Variants in KCTD16 observed in about 807,000 individuals in gnomAD.
KCTD16 encodes BTB/POZ domain-containing protein KCTD16.
Under a neutral mutation model 33.2 loss-of-function variants are expected in KCTD16, and 13 were observed. The observed-to-expected ratio is 0.39, with a 90% CI of 0.25 to 0.62. The LOEUF (loss-of-function observed/expected upper bound fraction) is 0.62. Among genes scored for constraint, KCTD16 ranks in the 20% least tolerant of loss-of-function variants. The pLI is 0.50. For missense variants in KCTD16, 441 were observed against 525.1 expected, an observed-to-expected ratio of 0.84 and a Z score of 1.57; for synonymous variants, 197 against 195.3, an observed-to-expected ratio of 1.01 and a Z score of -0.07.
intron 3 of KCTD16, among the ~76,000 whole-genome samples, chr5:144,411,918 T>A (rs1259239339): frequency 6.6e-6 from 1 of 152,014 alleles, no homozygotes; most frequent in Non-Finnish European, 1.5e-5. Flanking sequence ...CAGGTATATA[T>A]AAAAAAATTG....
At chr5:144,292,390 G>A (rs1755918505) in intron 3 of KCTD16, among the ~76,000 whole-genome samples, 1 of 152,188 alleles carries the variant, frequency 6.6e-6, no homozygotes, top group Admixed American at 6.5e-5. Flanking sequence ...GGTGAAGGTA[G>A]AGCAATGTAG....
intron 3 of KCTD16, among the ~76,000 whole-genome samples, chr5:144,418,217 G>A (rs566535135): frequency 1.3e-5 from 2 of 152,300 alleles, no homozygotes; most frequent in South Asian, 2.1e-4. Context: ...ATGAGCAGCA[G>A]CAAGCTTTAT....
At chr5:144,199,941 C>G (rs1753012001) in intron 2 of KCTD16, among the ~76,000 whole-genome samples, 1 of 151,936 alleles carries the variant, frequency 6.6e-6, no homozygotes, top group African/African-American at 2.4e-5. Context: ...TCTCGATCTC[C>G]TGATCTCATG....
At chr5:144,406,127 A>G (rs10515543) in intron 3 of KCTD16, among the ~76,000 whole-genome samples, 6,659 of 152,276 alleles carry the variant, frequency 0.044, 472 homozygotes, top group African/African-American at 0.15. Flanking sequence ...TGACTACCGA[A>G]GGACTTATTT....
chr5:144,195,546 G>A (rs1752924719), intron 2 of KCTD16, among the ~76,000 whole-genome samples: 1 of 152,202 alleles, frequency 6.6e-6, no homozygotes, highest in Admixed American at 6.5e-5. Context: ...GGAGCTGGTG[G>A]AGTCAACAAA....
intron 2 of KCTD16, among the ~76,000 whole-genome samples, chr5:144,175,720 C>T (rs1279062422): frequency 6.6e-6 from 1 of 152,148 alleles, no homozygotes; most frequent in Non-Finnish European, 1.5e-5. Context: ...TCACTTTTCT[C>T]ATCTGTAAAA....
chr5:144,215,014 A>G (rs1301566609), intron 3 of KCTD16, among the ~76,000 whole-genome samples: 2 of 152,090 alleles, frequency 1.3e-5, no homozygotes, highest in Non-Finnish European at 2.9e-5. Flanking sequence ...TGAATATACT[A>G]TTGTATTGTC....
intron 3 of KCTD16, among the ~76,000 whole-genome samples, chr5:144,423,444 G>A (rs184832400): frequency 6.7e-4 from 102 of 152,128 alleles, no homozygotes; most frequent in Admixed American, 2.9e-3. Flanking sequence ...TCTAGGTTAC[G>A]GGTCTCAGTC....
intron 3 of KCTD16, among the ~76,000 whole-genome samples, chr5:144,255,773 A>G (rs1304717415): frequency 1.3e-5 from 2 of 152,232 alleles, no homozygotes; most frequent in Non-Finnish European, 2.9e-5. Context: ...GCTCCAGACA[A>G]TCCAAGGTCA....
In KCTD16 at chr5:144,401,175, A is replaced by G. The variant is rs541006911; in HGVS notation, c.833-72485A>G. Among the ~76,000 whole-genome samples the G allele has an allele frequency of 1.6e-4, 24 of 152,332 alleles. No individual in the cohort carries two copies. In the East Asian group the frequency reaches 4.1e-3, roughly 26 times the overall value. ...GTGTGCTGACCTATACATCACATTCACATTCCTGCCAAGGATGGGATATGT... is the reference window on the plus strand; with the variant it reads ...GTGTGCTGACCTATACATCACATTCGCATTCCTGCCAAGGATGGGATATGT... On this transcript the variant is annotated intron_variant, in intron 3 of 3. Coordinates refer to ENST00000512467, the MANE Select transcript of KCTD16 (RefSeq NM_020768.4).
At position 144,317,654 on chromosome 5, in the gene KCTD16, C is replaced by T. The variant is rs181036836; in HGVS notation, c.832+110108C>T. ...TTTCTTCTAGGAATGCATACCCTCA[C>T]GTTTTCCTTTCCTATCCTACTAAGA... On this transcript the variant is annotated intron_variant, in intron 3 of 3. Transcript: ENST00000512467. 5.9e-5 allele frequency among the ~76,000 whole-genome samples: 9 copies of T among 152,280 alleles called. No homozygotes were observed. In the East Asian group the frequency reaches 1.7e-3, roughly 29 times the overall value.
intron 3 of KCTD16, among the ~76,000 whole-genome samples, chr5:144,463,513 T>C (rs1000045746): frequency 6.6e-6 from 1 of 152,176 alleles, no homozygotes; most frequent in African/African-American, 2.4e-5. Context: ...AGAAGCATTG[T>C]TATTTCCAAC....
intron 3 of KCTD16, among the ~76,000 whole-genome samples, chr5:144,404,442 G>C (rs1389979229): frequency 3.3e-5 from 5 of 152,058 alleles, no homozygotes; most frequent in Non-Finnish European, 7.4e-5. Context: ...CTGTTAATTT[G>C]AGAAAGATGT....
intron 2 of KCTD16, chr5:144,205,366 T>A: frequency 2.5e-6 from 1 of 396,438 alleles, no homozygotes; most frequent in Non-Finnish European, 4.4e-6. Context: ...GGATGGTTTC[T>A]TGCCTGCACT....
intron 3 of KCTD16, among the ~76,000 whole-genome samples, chr5:144,235,172 G>A (rs957222679): frequency 1.3e-5 from 2 of 152,072 alleles, no homozygotes; most frequent in Admixed American, 1.3e-4. Flanking sequence ...TGATAATCTT[G>A]TTTTTATGCA....
intron 3 of KCTD16, among the ~76,000 whole-genome samples, chr5:144,260,012 T>A (rs969029754): frequency 6.6e-6 from 1 of 152,212 alleles, no homozygotes; most frequent in African/African-American, 2.4e-5. Flanking sequence ...CTAAGCAGGT[T>A]GCATTTCATC....
chr5:144,418,214 G>A (rs1248381897), intron 3 of KCTD16, among the ~76,000 whole-genome samples: 1 of 152,172 alleles, frequency 6.6e-6, no homozygotes, highest in Non-Finnish European at 1.5e-5. Context: ...AGCATGAGCA[G>A]CAGCAAGCTT....
Position 144,483,000 on chromosome 5 carries a change from A to C in KCTD16, c.*8886A>C, listed in dbSNP as rs1159411918. 6.6e-6 allele frequency: 1 copy of C among 151,734 alleles called. No individual in the cohort carries two copies. Among genetic ancestry groups the C allele is most frequent in the Non-Finnish European group, 1.5e-5 (1 of 67,874 alleles). The allele number at this position is 151,734 out of a possible 1,614,324, so 9.4% of individuals were successfully genotyped here. On this transcript the variant is annotated 3_prime_UTR_variant, in exon 4 of 4. Coordinates refer to ENST00000512467, the MANE Select transcript of KCTD16 (RefSeq NM_020768.4). Reference sequence around the variant, plus strand: ...ATTTATGGTGCCGAGAACATTAACAAAATATTTAGATTTAATATCTATGAA... The same window carrying C: ...ATTTATGGTGCCGAGAACATTAACACAATATTTAGATTTAATATCTATGAA...
At chr5:144,172,680 A>G (rs1386273586) in intron 1 of KCTD16, among the ~76,000 whole-genome samples, 1 of 152,148 alleles carries the variant, frequency 6.6e-6, no homozygotes, top group Non-Finnish European at 1.5e-5. Flanking sequence ...TTTTCTGCCT[A>G]TTTTTACTTA....
Sources: gnomAD v4.1 joint callset for allele counts (sites outside exome capture counted in the v4.1 genomes callset) on GRCh38, gnomAD v4.1.1 for gene constraint, MANE v1.5 for transcripts, NCBI Gene and HGNC (gene_info 2026-07-23, HGNC 2026-07-21) for gene names.